ST7: variants seen among roughly 807,000 people sequenced by gnomAD.
The protein encoded by ST7 is suppression of tumorigenicity 7.
Under a neutral mutation model 78.7 loss-of-function variants are expected in ST7, and 28 were observed. The ratio of observed to expected loss-of-function variants is 0.36; its 90% CI spans 0.26 to 0.49. The LOEUF (loss-of-function observed/expected upper bound fraction) is 0.49, where lower values mean the gene tolerates loss of function less well. ST7 is among the 20% of genes least tolerant of loss of function. The pLI is 0.99. For missense variants in ST7, 418 were observed against 696.0 expected (o/e 0.60, Z 4.49); for synonymous variants, 247 against 249.6 (o/e 0.99, Z 0.10).
At chr7:117,178,167 A>G (rs1018861662) in intron 10 of ST7, among the ~76,000 whole-genome samples, 1 of 152,204 alleles carries the variant, frequency 6.6e-6, no homozygotes, top group Non-Finnish European at 1.5e-5. Context: ...TTAAAGGATA[A>G]CAGAGAGTAA....
At chr7:117,182,434 T>G (rs1273796853) in intron 10 of ST7, among the ~76,000 whole-genome samples, 1 of 152,248 alleles carries the variant, frequency 6.6e-6, no homozygotes, top group Non-Finnish European at 1.5e-5. Flanking sequence ...AATGACGTAC[T>G]GAAACTATTA....
chr7:117,088,581 T>G (rs1800337298), intron 1 of ST7, among the ~76,000 whole-genome samples: 1 of 152,226 alleles, frequency 6.6e-6, no homozygotes, highest in Non-Finnish European at 1.5e-5. Context: ...TCCAGCACAT[T>G]AAGTAACGAA....
intron 13 of ST7, among the ~76,000 whole-genome samples, chr7:117,216,037 T>C (rs892602205): frequency 1.3e-5 from 2 of 152,110 alleles, no homozygotes; most frequent in African/African-American, 2.4e-5. Context: ...AATTAACTTG[T>C]TCATGTATCC....
intron 2 of ST7, among the ~76,000 whole-genome samples, chr7:117,102,175 G>A (rs893152358): frequency 6.6e-6 from 1 of 152,170 alleles, no homozygotes; most frequent in African/African-American, 2.4e-5. Flanking sequence ...TGAAATGATG[G>A]TGATAGTGTA....
At chr7:117,065,874 G>T (rs1434825696) in intron 1 of ST7, among the ~76,000 whole-genome samples, 1 of 152,130 alleles carries the variant, frequency 6.6e-6, no homozygotes, top group African/African-American at 2.4e-5. Flanking sequence ...GCACGTTCTG[G>T]CTCCTGCTTA....
intron 5 of ST7, 35 bp from the exon 6 acceptor site, chr7:117,131,850 G>T (rs768467864): frequency 1.3e-6 from 2 of 1,564,844 alleles, no homozygotes; most frequent in Admixed American, 3.4e-5. Context: ...TTATATGTAT[G>T]GATTGACTTG....
chr7:117,069,011 T>C (rs1798782955), intron 1 of ST7, among the ~76,000 whole-genome samples: 1 of 152,222 alleles, frequency 6.6e-6, no homozygotes, highest in Admixed American at 6.5e-5. Flanking sequence ...GACCTTGCAC[T>C]AGCACGTGAT....
intron 1 of ST7, among the ~76,000 whole-genome samples, chr7:116,974,512 C>A (rs192060766): frequency 7.9e-5 from 12 of 152,046 alleles, no homozygotes; most frequent in Non-Finnish European, 1.6e-4. Flanking sequence ...AGGATGGTCT[C>A]GATCTCCTGA....
At chr7:117,223,286 C>T in intron 15 of ST7, 1 of 338,786 alleles carries the variant, frequency 3.0e-6, no homozygotes, top group Non-Finnish European at 5.5e-6. Flanking sequence ...CTCCTTGCTT[C>T]CTGTCTTATC....
intron 15 of ST7, among the ~76,000 whole-genome samples, chr7:117,226,794 C>A (rs1793477169): frequency 6.6e-6 from 1 of 151,928 alleles, no homozygotes; most frequent in Admixed American, 6.6e-5. Flanking sequence ...TAAATTAGGC[C>A]CTCTAGGAAA....
At chr7:116,973,831 A>G (rs1585070624) in intron 1 of ST7, among the ~76,000 whole-genome samples, 1 of 152,340 alleles carries the variant, frequency 6.6e-6, no homozygotes, top group East Asian at 1.9e-4. Context: ...ATTGTTATAT[A>G]GTATTTCATT....
chr7:117,184,855 A>G (rs536180464), intron 10 of ST7, among the ~76,000 whole-genome samples: 4 of 152,252 alleles, frequency 2.6e-5, no homozygotes, highest in Non-Finnish European at 5.9e-5. Context: ...CTACAGTTAT[A>G]TAAAATATCA....
chr7:117,016,049 A>G (rs1405501724), intron 1 of ST7, among the ~76,000 whole-genome samples: 1 of 152,210 alleles, frequency 6.6e-6, no homozygotes, highest in East Asian at 1.9e-4. Context: ...AGCTTTTAGG[A>G]GCTTGCTATT....
In ST7 at chr7:116,953,686, G is replaced by A; in HGVS notation, c.146G>A (p.Ser49Asn). The A allele has an allele frequency of 6.7e-7, 1 of 1,488,068 alleles. No individual in the cohort carries two copies. Among genetic ancestry groups the A allele is most frequent in the Non-Finnish European group, 9.1e-7 (1 of 1,104,394 alleles). The allele number at this position is 1,488,068 out of a possible 1,614,324, so 92.2% of individuals were successfully genotyped here. ...RVPLKINDNL[S>N]TVSMFLNTLT... is the part of the protein sequence containing the mutation. ...CCTTTGAAAATCAACGACAACTTGA[G>A]CACAGGTAAGGCCTGGGAGCCGGGC... Residue 49 changes from serine to asparagine, a missense_variant, in exon 1 of 16, where the codon AGC becomes AAC. This residue lies in a region of ST7 where 71 missense variants were observed against 61.5 expected (regional missense o/e 1.16). Coordinates refer to ENST00000323984, the MANE Select transcript of ST7 (RefSeq NM_001369598.1).
intron 14 of ST7, 108 bp from the exon 15 acceptor site, chr7:117,221,815 A>G: frequency 1.6e-6 from 2 of 1,268,050 alleles, no homozygotes; most frequent in Admixed American, 2.7e-5. Context: ...CATTTCCCAT[A>G]GGCTTCCAAC....
At chr7:117,193,972 C>G (rs1265937427) in intron 12 of ST7, among the ~76,000 whole-genome samples, 1 of 152,174 alleles carries the variant, frequency 6.6e-6, no homozygotes, top group Non-Finnish European at 1.5e-5. Flanking sequence ...GAGGGCTACT[C>G]TTAGGAACTC....
chr7:116,974,665 G>A (rs570803970), intron 1 of ST7, among the ~76,000 whole-genome samples: 1 of 152,200 alleles, frequency 6.6e-6, no homozygotes, highest in Non-Finnish European at 1.5e-5. Context: ...ACCAAGTTCC[G>A]AACAAAGTAA....
chr7:117,143,403 T>G (rs953259771), intron 9 of ST7, among the ~76,000 whole-genome samples: 1 of 152,186 alleles, frequency 6.6e-6, no homozygotes, highest in Non-Finnish European at 1.5e-5. Context: ...TACTCTTAGT[T>G]TCCCTAAAAT....
At position 117,101,515 on chromosome 7, in the gene ST7, G is replaced by C. The variant is rs539298174; in HGVS notation, c.234+1671G>C. 2.6e-5 allele frequency among the ~76,000 whole-genome samples: 4 copies of C among 152,310 alleles called. No individual in the cohort carries two copies. In the South Asian group the frequency reaches 8.3e-4, roughly 32 times the overall value. On this transcript the variant is annotated intron_variant, in intron 2 of 15. Transcript: ENST00000323984. ...CGTTGTTTTCATCACCTTGTCCAGT[G>C]AACTTAGGAGCAACCAACCAACTTC...
Sources: allele counts gnomAD v4.1 joint callset (sites outside exome capture counted in the v4.1 genomes callset), GRCh38; gene constraint gnomAD v4.1.1; regional missense constraint gnomAD v4.1.1; transcripts MANE v1.5; gene names NCBI Gene and HGNC (gene_info 2026-07-23, HGNC 2026-07-21).